The following RPS6KL1 variants were observed in gnomAD, a reference collection of about 807,000 sequenced individuals.
RPS6KL1 encodes the protein ribosomal protein S6 kinase like 1, also known as ribosomal protein S6 kinase-like 1.
In RPS6KL1, 41 loss-of-function variants were observed where a neutral mutation model predicts 57.0. The ratio of observed to expected loss-of-function variants is 0.72; its 90% CI spans 0.56 to 0.93. RPS6KL1 has a LOEUF of 0.93. RPS6KL1 is among the 40% of genes least tolerant of loss of function. The pLI is 0.00. For missense variants in RPS6KL1, 697 were observed against 727.7 expected (o/e 0.96, Z 0.49); for synonymous variants, 287 against 309.7 (o/e 0.93, Z 0.77).
Position 74,909,946 on chromosome 14 carries a change from T to G in RPS6KL1, c.867A>C (p.Leu289=), listed in dbSNP as rs781753666. 6.2e-7 allele frequency: 1 copy of G among 1,613,972 alleles called. No individual in the cohort carries two copies. Among genetic ancestry groups the G allele is most frequent in the Non-Finnish European group, 8.5e-7 (1 of 1,179,992 alleles). Residue 289 remains leucine, a synonymous_variant, in exon 8 of 12, where the codon CTA becomes CTC. Transcript: ENST00000557413. ...GTCTGGTGGATGGGGCCTCCCCAGC[T>G]AGGAGAAGGTTCGGAGAAGTCCTAG... ...EPPRTSPNLL[L]AGEAPSTRPQ...
At position 74,909,578 on chromosome 14, in the gene RPS6KL1, TCCCGGCACAGCACCC is replaced by T. The variant is rs1449523761; in HGVS notation, c.1220_1234del (p.Gly407_Arg411del). The T allele has an allele frequency of 6.2e-7, 1 of 1,611,266 alleles. No individual in the cohort carries two copies. Among genetic ancestry groups the T allele is most frequent in the Admixed American group, 1.7e-5 (1 of 59,870 alleles). On this transcript the variant is annotated inframe_deletion, in exon 8 of 12. Coordinates refer to ENST00000557413, the MANE Select transcript of RPS6KL1 (RefSeq NM_031464.5). ...CAGGAGCAGGTTCCCGGGGTGGAGG[TCCCGGCACAGCACCC>T]CCTGCTCGTGCAGCGCCTCCAGCGC...
rs111726933 is a variant in RPS6KL1 at position 74,913,998 on chromosome 14, A to G, written c.484-2157T>C. The stretch of plus-strand genomic sequence containing the variant: ...GTCAAGTCAGGACCTGAACCCAGAC[A>G]GGCTGATCCCGGAGCCCTGCAGACT... On this transcript the variant is annotated intron_variant, in intron 5 of 11. Coordinates refer to ENST00000557413, the MANE Select transcript of RPS6KL1 (RefSeq NM_031464.5). Among the ~76,000 whole-genome samples the G allele has an allele frequency of 4.2e-3, 637 of 152,346 alleles. 3 individuals are homozygous for G. The highest frequency in any genetic ancestry group is 0.015 in the African/African-American group (617 of 41,580).
At position 74,918,610 on chromosome 14, in the gene RPS6KL1, AGAG is replaced by A; in HGVS notation, c.391-8_391-6del. On this transcript the variant is annotated splice_region_variant and splice_polypyrimidine_tract_variant and intron_variant, in intron 4 of 11. Coordinates refer to ENST00000557413, the MANE Select transcript of RPS6KL1 (RefSeq NM_031464.5). Reference sequence around the variant, plus strand: ...GAGCCTCAGGCTGCTGAAACCCTGCAGAGGAGGGAGACAGGCCACACACAGCCT... The same window carrying A: ...GAGCCTCAGGCTGCTGAAACCCTGCAGAGGGAGACAGGCCACACACAGCCT... 1 of 1,532,862 alleles carries A rather than the reference AGAG, an allele frequency of 6.5e-7. No homozygotes were observed. The highest frequency in any genetic ancestry group is 8.7e-7 in the Non-Finnish European group (1 of 1,145,126). The allele number at this position is 1,532,862 out of a possible 1,614,324, so 95.0% of individuals were successfully genotyped here.
At chr14:74,916,025 C>T (rs1263226042) in intron 5 of RPS6KL1, among the ~76,000 whole-genome samples, 19 of 152,210 alleles carry the variant, frequency 1.2e-4, no homozygotes. Context: ...CACCTCACTG[C>T]TCCCTGCCAC....
chr14:74,917,095 C>T (rs1477356625), intron 5 of RPS6KL1, among the ~76,000 whole-genome samples: 1 of 152,202 alleles, frequency 6.6e-6, no homozygotes, highest in African/African-American at 2.4e-5. Context: ...TGGGACCTGC[C>T]CCAGGGACCC....
chr14:74,911,687 G>A (rs1886022929), intron 6 of RPS6KL1, 107 bp downstream of exon 6: 11 of 1,069,898 alleles, frequency 1.0e-5, no homozygotes, highest in Non-Finnish European at 8.3e-6. Context: ...ACCAGCTTTT[G>A]TGGGAGGGAG....
chr14:74,905,935 C>T lies in RPS6KL1; in HGVS notation c.*1079G>A, dbSNP rs140360538. 1,807 of 153,424 alleles carry T rather than the reference C, an allele frequency of 0.012. 32 individuals carry two copies. The highest frequency in any genetic ancestry group is 0.041 in the African/African-American group (1,723 of 41,546). The allele number at this position is 153,424 out of a possible 1,614,324, so 9.5% of individuals were successfully genotyped here. ...GGAAATTTCCCAGGTCGGTCCCACG[C>T]CCCGGTGACAGGGTGAACCCTGAGA... On this transcript the variant is annotated 3_prime_UTR_variant, in exon 12 of 12. Transcript: ENST00000557413.
intron 2 of RPS6KL1, 168 bp downstream of exon 2, chr14:74,921,810 C>T: frequency 1.8e-6 from 2 of 1,113,064 alleles, no homozygotes; most frequent in Non-Finnish European, 2.3e-6. Context: ...CAGAGTCTCG[C>T]TATGTCACCC....
chr14:74,916,665 A>G (rs1306388349), intron 5 of RPS6KL1, among the ~76,000 whole-genome samples: 1 of 151,776 alleles, frequency 6.6e-6, no homozygotes, highest in East Asian at 1.9e-4. Flanking sequence ...TGAGCTACAG[A>G]GCGAGACCCT....
At position 74,905,006 on chromosome 14, in the gene RPS6KL1, G is replaced by A. The variant is rs1884535915; in HGVS notation, c.*2008C>T. 6.6e-6 allele frequency: 1 copy of A among 152,206 alleles called. No homozygotes were observed. The highest frequency in any genetic ancestry group is 6.5e-5 in the Admixed American group (1 of 15,268). 9.4% of individuals were successfully genotyped at this position (152,206 alleles called of 1,614,324 possible). A position where few individuals can be genotyped will look rare whatever the true frequency, so the allele number is the denominator to read the frequency against. The stretch of plus-strand genomic sequence containing the variant: ...AGAGAGTAGAACTAGAGCTCTAGTA[G>A]ATAGAAAAACAAATTAGGTTGAATG... On this transcript the variant is annotated 3_prime_UTR_variant, in exon 12 of 12. Transcript: ENST00000557413.
intron 1 of RPS6KL1, among the ~76,000 whole-genome samples, chr14:74,922,942 G>A (rs1252643275): frequency 6.6e-6 from 1 of 152,216 alleles, no homozygotes; most frequent in African/African-American, 2.4e-5. Flanking sequence ...GCCAAGCCCA[G>A]GGGAACTTGA....
chr14:74,910,266 G>A, intron 7 of RPS6KL1, 118 bp from the exon 8 acceptor site: 1 of 1,230,132 alleles, frequency 8.1e-7, no homozygotes, highest in South Asian at 1.7e-5. Context: ...CCGCCTCTGG[G>A]TGTCCTGGCC....
chr14:74,922,370 C>A lies in RPS6KL1; in HGVS notation c.-413G>T. On this transcript the variant is annotated 5_prime_UTR_variant, in exon 2 of 12. Transcript: ENST00000557413. Reference sequence around the variant, plus strand: ...TGGGGTTTAGCACTTCTCCGTGGACCGGATGGATTGCCCCTGCTGTGTTTT... The same window carrying A: ...TGGGGTTTAGCACTTCTCCGTGGACAGGATGGATTGCCCCTGCTGTGTTTT... 1 of 985,762 alleles carries A rather than the reference C, an allele frequency of 1.0e-6. No individual in the cohort carries two copies. The highest frequency in any genetic ancestry group is 1.2e-6 in the Non-Finnish European group (1 of 830,148). 61.1% of individuals were successfully genotyped at this position (985,762 alleles called of 1,614,324 possible).
chr14:74,920,700 CCA>C (rs1887691577), intron 3 of RPS6KL1, among the ~76,000 whole-genome samples: 1 of 152,202 alleles, frequency 6.6e-6, no homozygotes, highest in Non-Finnish European at 1.5e-5. Context: ...CTAGGCCGGC[CCA>C]GTCTGACCTC....
intron 4 of RPS6KL1, 148 bp downstream of exon 4, chr14:74,919,697 G>A (rs139933421): frequency 7.4e-6 from 6 of 811,722 alleles, no homozygotes; most frequent in Non-Finnish European, 1.1e-5. Context: ...AAGATGGGCC[G>A]CCCTGGCACA....
intron 5 of RPS6KL1, among the ~76,000 whole-genome samples, chr14:74,914,970 C>T (rs1013095886): frequency 6.6e-6 from 1 of 152,234 alleles, no homozygotes; most frequent in Non-Finnish European, 1.5e-5. Flanking sequence ...CCTTGGCTCC[C>T]CAAAGTGTTG....
chr14:74,916,406 G>A (rs911312641), intron 5 of RPS6KL1, among the ~76,000 whole-genome samples: 7 of 152,208 alleles, frequency 4.6e-5, no homozygotes, highest in Admixed American at 2.6e-4. Context: ...ATAGAATGCG[G>A]CGGGCCACTG....
At chr14:74,913,781 G>C (rs1290140400) in intron 5 of RPS6KL1, among the ~76,000 whole-genome samples, 2 of 152,204 alleles carry the variant, frequency 1.3e-5, no homozygotes, top group South Asian at 4.1e-4. Flanking sequence ...ACCTGCCGCA[G>C]AACACACCCT....
At position 74,904,407 on chromosome 14, in the gene RPS6KL1, A is replaced by G. The variant is rs1884459867; in HGVS notation, c.*2607T>C. On this transcript the variant is annotated 3_prime_UTR_variant, in exon 12 of 12. Coordinates refer to ENST00000557413, the MANE Select transcript of RPS6KL1 (RefSeq NM_031464.5). ...CAGTAATTCCAAAAGGGAGGGGAGTATAATGAGGAATGGCTGGCTCCCTCT... is the reference window on the plus strand; with the variant it reads ...CAGTAATTCCAAAAGGGAGGGGAGTGTAATGAGGAATGGCTGGCTCCCTCT... The G allele has an allele frequency of 6.6e-6, 1 of 152,210 alleles. No homozygotes were observed. Among genetic ancestry groups the G allele is most frequent in the African/African-American group, 2.4e-5 (1 of 41,446 alleles). The allele number at this position is 152,210 out of a possible 1,614,324, so 9.4% of individuals were successfully genotyped here.
Sources: allele counts gnomAD v4.1 joint callset (sites outside exome capture counted in the v4.1 genomes callset), GRCh38; gene constraint gnomAD v4.1.1; transcripts MANE v1.5; gene names NCBI Gene and HGNC (gene_info 2026-07-23, HGNC 2026-07-21).